The following RAVER2 variants were observed in gnomAD, a reference collection of about 807,000 sequenced individuals.
RAVER2 encodes the protein ribonucleoprotein PTB-binding 2.
In RAVER2, 46 loss-of-function variants were observed where a neutral mutation model predicts 78.1. The ratio of observed to expected loss-of-function variants is 0.59; its 90% CI spans 0.46 to 0.75. The LOEUF (loss-of-function observed/expected upper bound fraction) is 0.75. RAVER2 is among the 30% of genes least tolerant of loss of function. The pLI is 0.00. For missense variants in RAVER2, 793 were observed against 837.5 expected, an observed-to-expected ratio of 0.95 and a Z score of 0.66; for synonymous variants, 311 against 313.3, an observed-to-expected ratio of 0.99 and a Z score of 0.08.
At chr1:64,768,747 A>G (rs200654243) in intron 2 of RAVER2, 25 bp downstream of exon 2, 2 of 1,393,512 alleles carry the variant, frequency 1.4e-6, no homozygotes, top group Non-Finnish European at 2.0e-6. Flanking sequence ...CTAAGTGTCT[A>G]ATTTCATTTT....
intron 4 of RAVER2, among the ~76,000 whole-genome samples, chr1:64,786,338 TG>T (rs1183617974): frequency 1.3e-5 from 2 of 152,248 alleles, no homozygotes; most frequent in African/African-American, 4.8e-5. Flanking sequence ...TCTTTAATAA[TG>T]GGAAATTTCT....
At chr1:64,804,686 CAT>C in intron 6 of RAVER2, 46 bp from the exon 7 acceptor site, 1 of 937,196 alleles carries the variant, frequency 1.1e-6, no homozygotes, top group Non-Finnish European at 1.7e-6. Context: ...GGTTATACAA[CAT>C]GTAGCTTTTC....
At chr1:64,805,160 A>G in intron 8 of RAVER2, 55 bp downstream of exon 8, 1 of 1,484,814 alleles carries the variant, frequency 6.7e-7, no homozygotes, top group Non-Finnish European at 9.3e-7. Flanking sequence ...TGAGATTTAA[A>G]GATAGTTTAC....
intron 1 of RAVER2, among the ~76,000 whole-genome samples, chr1:64,746,892 A>G (rs1651555199): frequency 6.6e-6 from 1 of 152,224 alleles, no homozygotes; most frequent in African/African-American, 2.4e-5. Flanking sequence ...AAACAAATTT[A>G]AAAAATAGCA....
chr1:64,802,662 A>G (rs1347600730), intron 5 of RAVER2, among the ~76,000 whole-genome samples: 2 of 152,236 alleles, frequency 1.3e-5, no homozygotes, highest in Non-Finnish European at 2.9e-5. Context: ...AATAAATAAC[A>G]TGGGTTCAAT....
Position 64,768,727 on chromosome 1 carries a change from G to C in RAVER2, c.316+5G>C. The C allele has an allele frequency of 6.7e-7, 1 of 1,490,596 alleles. No homozygotes were observed. Among genetic ancestry groups the C allele is most frequent in the Non-Finnish European group, 9.3e-7 (1 of 1,071,842 alleles). The allele number at this position is 1,490,596 out of a possible 1,614,324, so 92.3% of individuals were successfully genotyped here. On this transcript the variant is annotated splice_donor_5th_base_variant and intron_variant, in intron 2 of 11. Transcript: ENST00000294428. ...TGGACAGAAATAAACGAACAGGTAA[G>C]ATTTCTATTCTAAGTGTCTAATTTC...
chr1:64,750,699 C>CT (rs939255512), intron 1 of RAVER2, among the ~76,000 whole-genome samples: 35 of 152,164 alleles, frequency 2.3e-4, no homozygotes, highest in African/African-American at 8.4e-4. Flanking sequence ...TTATTCTCTA[C>CT]TTTTTTCCTG....
intron 11 of RAVER2, among the ~76,000 whole-genome samples, chr1:64,821,087 A>G (rs905269153): frequency 2.0e-4 from 31 of 152,164 alleles, no homozygotes; most frequent in Non-Finnish European, 7.3e-5. Flanking sequence ...TGACATTTTA[A>G]TAACGGCCAA....
At position 64,814,686 on chromosome 1, in the gene RAVER2, T is replaced by C. The variant is rs1450729375; in HGVS notation, c.1793-18T>C. On this transcript the variant is annotated intron_variant, in intron 10 of 11. Transcript: ENST00000294428. Reference sequence around the variant, plus strand: ...TAAAATAACCTAAATAAAATAAACTTGTTGATTCTGCCTTTAGCCCCTGCA... The same window carrying C: ...TAAAATAACCTAAATAAAATAAACTCGTTGATTCTGCCTTTAGCCCCTGCA... 7.4e-7 allele frequency: 1 copy of C among 1,358,902 alleles called. No individual in the cohort carries two copies. The allele number at this position is 1,358,902 out of a possible 1,614,324, so 84.2% of individuals were successfully genotyped here.
At chr1:64,755,736 T>TTG (rs1651837974) in intron 1 of RAVER2, among the ~76,000 whole-genome samples, 9 of 142,972 alleles carry the variant, frequency 6.3e-5, no homozygotes, top group African/African-American at 2.3e-4. Flanking sequence ...TTTTTTTTTT[T>TTG]TTTTTTTTTT....
chr1:64,748,901 G>A (rs983244245), intron 1 of RAVER2, among the ~76,000 whole-genome samples: 6 of 152,102 alleles, frequency 3.9e-5, no homozygotes, highest in Non-Finnish European at 8.8e-5. Context: ...GCGGTGGAAC[G>A]ATCACTGCTC....
chr1:64,764,609 G>T (rs1389357422), intron 1 of RAVER2, among the ~76,000 whole-genome samples: 1 of 152,134 alleles, frequency 6.6e-6, no homozygotes, highest in Non-Finnish European at 1.5e-5. Flanking sequence ...TAAACACAAT[G>T]ACTCATCACA....
chr1:64,751,504 A>G (rs1651697422), intron 1 of RAVER2, among the ~76,000 whole-genome samples: 2 of 152,228 alleles, frequency 1.3e-5, no homozygotes, highest in Admixed American at 6.5e-5. Flanking sequence ...AGGGGTTCCT[A>G]TTACTAACTA....
intron 4 of RAVER2, among the ~76,000 whole-genome samples, chr1:64,786,699 AG>A (rs761115946): frequency 1.5e-4 from 23 of 152,290 alleles, no homozygotes; most frequent in Non-Finnish European, 2.6e-4. Context: ...AGGCTGAGAC[AG>A]GAGAATTGCT....
chr1:64,824,613 G>A (rs184118949), intron 11 of RAVER2, among the ~76,000 whole-genome samples: 2 of 152,202 alleles, frequency 1.3e-5, no homozygotes, highest in Non-Finnish European at 2.9e-5. Context: ...GTTAAAAACT[G>A]GAAGTAAGGA....
Position 64,761,783 on chromosome 1 carries a change from T to C in RAVER2, c.250-6873T>C, listed in dbSNP as rs112766803. Among the ~76,000 whole-genome samples, 391 of 152,162 alleles carry C rather than the reference T, an allele frequency of 2.6e-3. 3 individuals are homozygous for C. Among genetic ancestry groups the C allele is most frequent in the African/African-American group, 9.0e-3 (374 of 41,528 alleles). On this transcript the variant is annotated intron_variant, in intron 1 of 11. Transcript: ENST00000294428. ...TTTGCAGATAACATGATTGTGTATATAGAAAATAAAAAAGAATCTATAAAT... is the reference window on the plus strand; with the variant it reads ...TTTGCAGATAACATGATTGTGTATACAGAAAATAAAAAAGAATCTATAAAT...
intron 1 of RAVER2, among the ~76,000 whole-genome samples, chr1:64,767,295 T>C (rs1652200634): frequency 6.6e-6 from 1 of 152,068 alleles, no homozygotes; most frequent in Non-Finnish European, 1.5e-5. Flanking sequence ...CTGTTAATGA[T>C]AGTGTACTGT....
intron 4 of RAVER2, among the ~76,000 whole-genome samples, chr1:64,789,139 T>C (rs965496682): frequency 6.6e-6 from 1 of 152,218 alleles, no homozygotes; most frequent in East Asian, 1.9e-4. Context: ...ATGAGACTCA[T>C]TGTGCTAAAT....
chr1:64,820,070 G>C (rs1415777393), intron 11 of RAVER2, among the ~76,000 whole-genome samples: 1 of 152,090 alleles, frequency 6.6e-6, no homozygotes, highest in Non-Finnish European at 1.5e-5. Context: ...AGGACAATAA[G>C]GTAAATGAAA....
Sources: allele counts gnomAD v4.1 joint callset (sites outside exome capture counted in the v4.1 genomes callset), GRCh38; gene constraint gnomAD v4.1.1; transcripts MANE v1.5; gene names NCBI Gene and HGNC (gene_info 2026-07-23, HGNC 2026-07-21).